PARD3B: variants seen among roughly 807,000 people sequenced by gnomAD.
The protein encoded by PARD3B is par-3 family cell polarity regulator beta.
Under a neutral mutation model 130.2 loss-of-function variants are expected in PARD3B, and 103 were observed. The ratio of observed to expected loss-of-function variants is 0.79; its 90% CI spans 0.67 to 0.93. PARD3B has a LOEUF of 0.93. Among genes scored for constraint, PARD3B ranks in the 40% least tolerant of loss-of-function variants. PARD3B has a pLI of 0.00. For synonymous variants in PARD3B, 583 were observed against 553.2 expected (o/e 1.05, Z -0.76); for missense variants, 1,609 against 1,499.2 (o/e 1.07, Z -1.21).
Position 204,621,783 on chromosome 2 carries a change from G to A in PARD3B, c.121-64398G>A, listed in dbSNP as rs1290157918. Among the ~76,000 whole-genome samples, 3 of 152,106 alleles carry A rather than the reference G, an allele frequency of 2.0e-5. No homozygotes were observed. The East Asian group carries it at 5.8e-4, about 29-fold the overall frequency. ...ATTATTCAACAGTCTATCTAAATTAGCCATTATTTAATTTATCTGGGTCTA... is the reference window on the plus strand; with the variant it reads ...ATTATTCAACAGTCTATCTAAATTAACCATTATTTAATTTATCTGGGTCTA... On this transcript the variant is annotated intron_variant, in intron 1 of 22. Transcript: ENST00000406610.
At chr2:205,363,964 G>A (rs181527315) in intron 18 of PARD3B, among the ~76,000 whole-genome samples, 2 of 148,390 alleles carry the variant, frequency 1.3e-5, no homozygotes, top group Admixed American at 6.7e-5. Flanking sequence ...ACCGCACCCA[G>A]TCTCTGGAGC....
rs549610921 is a variant in PARD3B, at chr2:204,764,516, C to T, written c.222+78234C>T. 9.9e-5 allele frequency among the ~76,000 whole-genome samples: 15 copies of T among 152,260 alleles called. No individual in the cohort carries two copies. In the South Asian group the frequency reaches 2.5e-3, roughly 25 times the overall value. On this transcript the variant is annotated intron_variant, in intron 2 of 22. Transcript: ENST00000406610. ...TTTACCGAGGACCCACCCTAACTGCCTGCCTGACCATTTCCTTCCTCCTCT... is the reference window on the plus strand; with the variant it reads ...TTTACCGAGGACCCACCCTAACTGCTTGCCTGACCATTTCCTTCCTCCTCT...
At position 205,400,766 on chromosome 2, in the gene PARD3B, T is replaced by A. The variant is rs574745770; in HGVS notation, c.2631-247T>A. Among the ~76,000 whole-genome samples, 39 of 152,162 alleles carry A rather than the reference T, an allele frequency of 2.6e-4. No homozygotes were observed. In the South Asian group the frequency reaches 8.1e-3, roughly 32 times the overall value. On this transcript the variant is annotated intron_variant, in intron 18 of 22. Transcript: ENST00000406610. Reference sequence around the variant, plus strand: ...CCATAAAAGCACGTGATATTGTGCATGATGCATGATAAATATGAGTGAAAA... The same window carrying A: ...CCATAAAAGCACGTGATATTGTGCAAGATGCATGATAAATATGAGTGAAAA...
chr2:205,614,430 G>A (rs2055346542), intron 22 of PARD3B, among the ~76,000 whole-genome samples: 1 of 152,156 alleles, frequency 6.6e-6, no homozygotes, highest in African/African-American at 2.4e-5. Context: ...TGGGCTGGGT[G>A]CAGTGGCTCA....
At chr2:205,097,727 A>G (rs1702484483) in intron 4 of PARD3B, among the ~76,000 whole-genome samples, 1 of 152,184 alleles carries the variant, frequency 6.6e-6, no homozygotes, top group African/African-American at 2.4e-5. Flanking sequence ...TTAGGCATAG[A>G]AATGAATAAA....
At chr2:205,498,237 C>T (rs1173078114) in intron 20 of PARD3B, among the ~76,000 whole-genome samples, 6 of 149,124 alleles carry the variant, frequency 4.0e-5, no homozygotes, top group Admixed American at 1.3e-4. Flanking sequence ...CGTGGTGGCT[C>T]ACGCCTGTAA....
intron 1 of PARD3B, among the ~76,000 whole-genome samples, chr2:204,553,537 G>GGT (rs36193401): frequency 0.013 from 1,735 of 136,040 alleles, 38 homozygotes; most frequent in African/African-American, 0.043. Context: ...GAATCTGTGG[G>GGT]GTGTGTGTGT....
At chr2:204,926,313 A>G (rs547614101) in intron 2 of PARD3B, among the ~76,000 whole-genome samples, 2 of 152,210 alleles carry the variant, frequency 1.3e-5, no homozygotes, top group African/African-American at 4.8e-5. Context: ...GGTGGATAGG[A>G]GCAGTTTATC....
chr2:205,281,402 T>C lies in PARD3B; in HGVS notation c.2186-19128T>C, dbSNP rs762080463. ...AGGTCCCACACTGCCTAAGTCATTTTCTGGTCTTCATATTGCACACAAAAG... is the reference window on the plus strand; with the variant it reads ...AGGTCCCACACTGCCTAAGTCATTTCCTGGTCTTCATATTGCACACAAAAG... On this transcript the variant is annotated intron_variant, in intron 16 of 22. Transcript: ENST00000406610. The surrounding 1 kb of genome is among the most constrained non-coding windows in gnomAD (Gnocchi z 4.2). Among the ~76,000 whole-genome samples the C allele has an allele frequency of 3.3e-5, 5 of 152,244 alleles. No individual in the cohort carries two copies. Among genetic ancestry groups the C allele is most frequent in the Non-Finnish European group, 7.3e-5 (5 of 68,038 alleles).
At chr2:205,132,259 G>A (rs769402625) in intron 10 of PARD3B, among the ~76,000 whole-genome samples, 4 of 152,224 alleles carry the variant, frequency 2.6e-5, no homozygotes, top group Non-Finnish European at 5.9e-5. Context: ...AGATGTGGGA[G>A]TGAAGGAGTG....
chr2:205,514,873 G>A (rs1454874695), intron 21 of PARD3B, among the ~76,000 whole-genome samples: 1 of 143,308 alleles, frequency 7.0e-6, no homozygotes, highest in Non-Finnish European at 1.5e-5. Flanking sequence ...GGGTACATGC[G>A]AAGGTTTGTT....
intron 18 of PARD3B, among the ~76,000 whole-genome samples, chr2:205,320,217 G>C (rs1245684089): frequency 7.1e-6 from 1 of 141,320 alleles, no homozygotes; most frequent in African/African-American, 2.6e-5. Flanking sequence ...GGAAGGGTGG[G>C]GGGGAGGAAG....
chr2:204,575,005 T>A (rs1195652540), intron 1 of PARD3B, among the ~76,000 whole-genome samples: 1 of 147,460 alleles, frequency 6.8e-6, no homozygotes, highest in South Asian at 2.3e-4. Context: ...ATGGGTTTTT[T>A]ATTGATTCAT....
chr2:204,863,176 A>G (rs570689758), intron 2 of PARD3B, among the ~76,000 whole-genome samples: 1 of 152,210 alleles, frequency 6.6e-6, no homozygotes, highest in Admixed American at 6.5e-5. Context: ...CTCCTCTCCC[A>G]CTGTGATAAA....
At chr2:205,083,334 GAAA>G (rs55665658) in intron 4 of PARD3B, among the ~76,000 whole-genome samples, 33 of 140,112 alleles carry the variant, frequency 2.4e-4, no homozygotes, top group Non-Finnish European at 3.6e-4. Flanking sequence ...TTTAAGAATA[GAAA>G]AAAAAAAAAG....
chr2:205,531,100 A>G (rs2051569736), intron 21 of PARD3B, among the ~76,000 whole-genome samples: 1 of 152,202 alleles, frequency 6.6e-6, no homozygotes, highest in South Asian at 2.1e-4. Context: ...TAATATTGTA[A>G]ATTCACTTGC....
At chr2:205,145,662 C>T (rs2033298615) in intron 10 of PARD3B, among the ~76,000 whole-genome samples, 1 of 152,112 alleles carries the variant, frequency 6.6e-6, no homozygotes, top group Non-Finnish European at 1.5e-5. Context: ...CCCATGTTCT[C>T]TAAGGCACCA....
At chr2:205,174,650 C>T (rs985174328) in intron 12 of PARD3B, among the ~76,000 whole-genome samples, 4 of 152,158 alleles carry the variant, frequency 2.6e-5, no homozygotes, top group Middle Eastern at 3.2e-3. Context: ...AAGGTCTCAG[C>T]ACTGTTGATA....
In PARD3B at chr2:205,564,136, G is replaced by A. The variant is rs1407388877; in HGVS notation, c.3260+10733G>A. Among the ~76,000 whole-genome samples the A allele has an allele frequency of 6.6e-6, 1 of 152,168 alleles. No individual in the cohort carries two copies. Among genetic ancestry groups the A allele is most frequent in the East Asian group, 1.9e-4 (1 of 5,192 alleles). On this transcript the variant is annotated intron_variant, in intron 22 of 22. Transcript: ENST00000406610. This position sits in a 1 kb window ranked among gnomAD's most constrained non-coding sequence, Gnocchi z 4.6. ...GCACACAGAACTAGTGACAGGTTTT[G>A]GAGTCAGTTCAGTATTTTCTGCATC... is the stretch of plus-strand genomic sequence containing the variant.
Sources: gnomAD v4.1 joint callset for allele counts (sites outside exome capture counted in the v4.1 genomes callset) on GRCh38, gnomAD v4.1.1 for gene constraint, Gnocchi (gnomAD v3.1) non-coding constraint, MANE v1.5 for transcripts, NCBI Gene and HGNC (gene_info 2026-07-23, HGNC 2026-07-21) for gene names.